FSD1L: variants seen among roughly 807,000 people sequenced by gnomAD.
FSD1L encodes the protein fibronectin type III and SPRY domain containing 1 like.
FSD1L carries 45 observed loss-of-function variants against 71.6 expected under a neutral mutation model. That is an observed-to-expected ratio of 0.63 (90% CI 0.49 to 0.81). The LOEUF (loss-of-function observed/expected upper bound fraction) is 0.81. FSD1L is among the 30% of genes least tolerant of loss of function. The pLI is 0.00. For synonymous variants in FSD1L, 197 were observed against 207.2 expected, an observed-to-expected ratio of 0.95 and a Z score of 0.42; for missense variants, 561 against 618.1, an observed-to-expected ratio of 0.91 and a Z score of 0.98.
intron 1 of FSD1L, among the ~76,000 whole-genome samples, chr9:105,455,260 T>G (rs1830291138): frequency 6.6e-6 from 1 of 152,192 alleles, no homozygotes; most frequent in South Asian, 2.1e-4. Context: ...ATAAGGCAGT[T>G]CTCCTGCTCA....
intron 1 of FSD1L, among the ~76,000 whole-genome samples, chr9:105,452,326 G>T (rs996171805): frequency 5.3e-5 from 8 of 152,148 alleles, no homozygotes; most frequent in African/African-American, 1.9e-4. Context: ...TTTGATTACT[G>T]TTCTGCATCC....
chr9:105,463,050 A>G (rs531895606), intron 2 of FSD1L, among the ~76,000 whole-genome samples: 12 of 151,440 alleles, frequency 7.9e-5, no homozygotes, highest in Admixed American at 4.6e-4. Flanking sequence ...AGGCAGGAGA[A>G]TTGCTTGAAC....
intron 5 of FSD1L, among the ~76,000 whole-genome samples, chr9:105,474,080 C>T (rs925194955): frequency 2.6e-5 from 4 of 152,126 alleles, no homozygotes; most frequent in Non-Finnish European, 4.4e-5. Flanking sequence ...AGAAATGTAT[C>T]ATTAGGCAGT....
chr9:105,521,786 C>T (rs1236324202), intron 10 of FSD1L: 2 of 1,612,558 alleles, frequency 1.2e-6, no homozygotes, highest in Non-Finnish European at 1.7e-6. Context: ...TTCATAACAC[C>T]TCTGAAGAAG....
At chr9:105,515,191 G>T (rs1184275772) in intron 10 of FSD1L, among the ~76,000 whole-genome samples, 1 of 152,074 alleles carries the variant, frequency 6.6e-6, no homozygotes, top group Admixed American at 6.6e-5. Flanking sequence ...CCTCATCAAC[G>T]CCCGCCTACG....
At chr9:105,493,564 G>T (rs1003985028) in intron 7 of FSD1L, among the ~76,000 whole-genome samples, 3 of 152,308 alleles carry the variant, frequency 2.0e-5, no homozygotes, top group Middle Eastern at 3.4e-3. Flanking sequence ...TGGTGATTTT[G>T]CTCGTTAGTT....
chr9:105,508,779 TTGTAA>T, intron 9 of FSD1L, 64 bp downstream of exon 9: 4 of 979,234 alleles, frequency 4.1e-6, no homozygotes, highest in Non-Finnish European at 4.6e-6. Flanking sequence ...ATTCATAACT[TTGTAA>T]CAGGAAGCAC....
At chr9:105,496,242 C>T (rs557112800) in intron 7 of FSD1L, among the ~76,000 whole-genome samples, 53 of 124,508 alleles carry the variant, frequency 4.3e-4, no homozygotes, top group African/African-American at 1.3e-3. Flanking sequence ...CTCGCTGTGT[C>T]GCCCAGGCTG....
chr9:105,468,595 G>A (rs111816212), intron 4 of FSD1L, among the ~76,000 whole-genome samples: 6,260 of 151,234 alleles, frequency 0.041, 441 homozygotes, highest in African/African-American at 0.14. Context: ...CCCAGGTTCA[G>A]GCGATTCTCC....
intron 6 of FSD1L, among the ~76,000 whole-genome samples, chr9:105,483,335 A>G (rs892675750): frequency 3.3e-5 from 5 of 152,294 alleles, no homozygotes. Context: ...GACATCTTTC[A>G]TTTCATTGAC....
chr9:105,478,772 C>T (rs577637024), intron 5 of FSD1L, among the ~76,000 whole-genome samples: 396 of 152,222 alleles, frequency 2.6e-3, no homozygotes, highest in Non-Finnish European at 4.5e-3. Context: ...TCTCTGGTCT[C>T]TTTGTGTCTG....
upstream of FSD1L, among the ~76,000 whole-genome samples, chr9:105,444,010 T>A (rs1489770144): frequency 6.6e-6 from 1 of 152,040 alleles, no homozygotes; most frequent in African/African-American, 2.4e-5. Context: ...CCAGATATAG[T>A]AGCAGGGAGC....
At chr9:105,447,392 G>A (rs1340949112), upstream of FSD1L, among the ~76,000 whole-genome samples, 3 of 148,120 alleles carry the variant, frequency 2.0e-5, no homozygotes, top group Non-Finnish European at 3.0e-5. Flanking sequence ...TGTACCATAC[G>A]TTATTTAATC....
chr9:105,484,529 T>G (rs1276350180), intron 7 of FSD1L, 27 bp downstream of exon 7: 7 of 1,416,748 alleles, frequency 4.9e-6, no homozygotes, highest in Non-Finnish European at 6.5e-6. Context: ...CATGTAAAGT[T>G]TTGTATAAAA....
chr9:105,535,145 T>C lies in FSD1L; in HGVS notation c.1205T>C (p.Val402Ala). Residue 402 changes from valine (V) to alanine (A), a missense_variant, in exon 12 of 14, where the codon GTA becomes GCA. This residue lies in a region of FSD1L where 53 missense variants were observed against 102.2 expected (regional missense o/e 0.52). Transcript: ENST00000481272. ...QKDCKSYSVG[V>A]AYKTLGKFDQ... is the part of the protein sequence containing the mutation. ...GATTGTAAATCCTACAGTGTGGGAG[T>C]AGCATACAAAACGTTGGGGAAATTT... The C allele has an allele frequency of 6.4e-7, 1 of 1,551,724 alleles. No individual in the cohort carries two copies. Among genetic ancestry groups the C allele is most frequent in the Non-Finnish European group, 8.7e-7 (1 of 1,146,960 alleles).
intron 11 of FSD1L, 58 bp downstream of exon 11, chr9:105,534,651 TG>T: frequency 1.0e-6 from 1 of 976,664 alleles, no homozygotes; most frequent in Non-Finnish European, 1.5e-6. Flanking sequence ...ACAATCACAC[TG>T]GTGGACTTTC....
chr9:105,546,062 T>A (rs1208662366), intron 13 of FSD1L, among the ~76,000 whole-genome samples: 1 of 152,086 alleles, frequency 6.6e-6, no homozygotes, highest in Admixed American at 6.6e-5. Flanking sequence ...TGATAGGTAA[T>A]ACCTTTTGCC....
chr9:105,476,986 G>A lies in FSD1L; in HGVS notation c.442-2368G>A, dbSNP rs540136327. On this transcript the variant is annotated intron_variant, in intron 5 of 13. Coordinates refer to ENST00000481272, the MANE Select transcript of FSD1L (RefSeq NM_001145313.3). Reference sequence around the variant, plus strand: ...GTTTTACTAGCTGGGTATATTCTATGTAAATGCATGGACAACAGTTTTTCC... The same window carrying A: ...GTTTTACTAGCTGGGTATATTCTATATAAATGCATGGACAACAGTTTTTCC... Among the ~76,000 whole-genome samples the A allele has an allele frequency of 2.0e-5, 3 of 152,300 alleles. No homozygotes were observed. The South Asian group carries it at 6.2e-4, about 32-fold the overall frequency.
At chr9:105,465,643 G>C (rs969379584) in intron 3 of FSD1L, among the ~76,000 whole-genome samples, 2 of 151,472 alleles carry the variant, frequency 1.3e-5, no homozygotes, top group Non-Finnish European at 1.5e-5. Flanking sequence ...CAAAACTAAA[G>C]ACAAAAAAAA....
Sources: allele counts gnomAD v4.1 joint callset (sites outside exome capture counted in the v4.1 genomes callset), GRCh38; gene constraint gnomAD v4.1.1; regional missense constraint gnomAD v4.1.1; transcripts MANE v1.5; gene names NCBI Gene and HGNC (gene_info 2026-07-23, HGNC 2026-07-21).